Variants in ABCB4 observed in about 807,000 individuals in gnomAD.
ABCB4 encodes the protein ATP binding cassette subfamily B member 4.
ABCB4 carries 76 observed loss-of-function variants against 145.7 expected under a neutral mutation model. The observed-to-expected ratio is 0.52, with a 90% CI of 0.43 to 0.63. ABCB4 has a LOEUF of 0.63. Ranked by LOEUF, ABCB4 falls within the 30% of genes least tolerant of loss-of-function variation. ABCB4 has a pLI of 0.00. For synonymous variants in ABCB4, 517 were observed against 566.8 expected, an observed-to-expected ratio of 0.91 and a Z score of 1.25; for missense variants, 1,234 against 1,553.1, an observed-to-expected ratio of 0.79 and a Z score of 3.45.
chr7:87,407,375 G>A (rs1013163850), intron 25 of ABCB4, among the ~76,000 whole-genome samples: 8 of 152,160 alleles, frequency 5.3e-5, no homozygotes, highest in Non-Finnish European at 7.3e-5. Context: ...GGCTTAACAA[G>A]GCTGATTTAG....
chr7:87,420,220 G>A lies in ABCB4; in HGVS notation c.2317-145C>T. 1.4e-5 allele frequency: 10 copies of A among 737,082 alleles called. No homozygotes were observed. The South Asian group carries it at 1.5e-4, about 11-fold the overall frequency. 45.7% of individuals were successfully genotyped at this position (737,082 alleles called of 1,614,324 possible). On this transcript the variant is annotated intron_variant, in intron 18 of 27. Coordinates refer to ENST00000649586, the MANE Select transcript of ABCB4 (RefSeq NM_000443.4). ...TCAAGTCATGTTAATAACCTGAGCAGCCCCAGATGAATCAAGCATGCAACC... is the reference window on the plus strand; with the variant it reads ...TCAAGTCATGTTAATAACCTGAGCAACCCCAGATGAATCAAGCATGCAACC...
chr7:87,423,717 T>C (rs1011470971), intron 17 of ABCB4, 189 bp downstream of exon 17: 1 of 643,224 alleles, frequency 1.6e-6, no homozygotes, highest in Non-Finnish European at 2.7e-6. Context: ...ATTAATATCA[T>C]AACTTAGAGT....
downstream of ABCB4, among the ~76,000 whole-genome samples, chr7:87,397,244 G>A (rs904347158): frequency 3.1e-4 from 47 of 150,782 alleles, no homozygotes; most frequent in African/African-American, 1.1e-3. Flanking sequence ...TGAGTTACTT[G>A]GGAACCTGAG....
chr7:87,475,104 A>G (rs1813706163), intron 2 of ABCB4, among the ~76,000 whole-genome samples: 1 of 152,234 alleles, frequency 6.6e-6, no homozygotes, highest in South Asian at 2.1e-4. Flanking sequence ...ATGTTATACA[A>G]TGCAGATATT....
chr7:87,416,955 C>T (rs1015588014), intron 21 of ABCB4, among the ~76,000 whole-genome samples: 2 of 152,162 alleles, frequency 1.3e-5, no homozygotes, highest in African/African-American at 2.4e-5. Context: ...AGCACATGTC[C>T]GACCCTGAAC....
chr7:87,411,770 G>T, intron 23 of ABCB4, 123 bp downstream of exon 23: 1 of 870,740 alleles, frequency 1.1e-6, no homozygotes, highest in Non-Finnish European at 1.8e-6. Context: ...GGAAACTGTG[G>T]TAAATTTAAA....
At chr7:87,392,161 C>T in the ABCB4 span, among the ~76,000 whole-genome samples, 1 of 152,110 alleles carries the variant, frequency 6.6e-6, no homozygotes, top group East Asian at 1.9e-4. Flanking sequence ...AAATTTCCTT[C>T]TCACTGTTAT....
At chr7:87,450,933 T>G (rs1291621957) in intron 7 of ABCB4, among the ~76,000 whole-genome samples, 2 of 152,170 alleles carry the variant, frequency 1.3e-5, no homozygotes, top group African/African-American at 2.4e-5. Flanking sequence ...CTCTGAAGTG[T>G]TGGCTAAAGT....
At chr7:87,382,725 T>C in the ABCB4 span, among the ~76,000 whole-genome samples, 1 of 152,216 alleles carries the variant, frequency 6.6e-6, no homozygotes, top group Non-Finnish European at 1.5e-5. Flanking sequence ...TTCACAGTTT[T>C]TCCTTGTTAC....
Position 87,451,789 on chromosome 7 carries a change from A to T in ABCB4, c.542T>A (p.Ile181Asn). The T allele has an allele frequency of 6.2e-7, 1 of 1,614,150 alleles. No homozygotes were observed. Among genetic ancestry groups the T allele is most frequent in the Non-Finnish European group, 8.5e-7 (1 of 1,180,000 alleles). ...ACCAATTCCTTCACTGATTTTGGAG[A>T]TGTCACTAAAAAAGATCACACCTAA... is the stretch of plus-strand genomic sequence containing the variant. ...TELNTRLTDD[I>N]SKISEGIGDK... Residue 181 changes from isoleucine to asparagine, a missense_variant, in exon 7 of 28, where the codon ATC (isoleucine) becomes AAC (asparagine). Coordinates refer to ENST00000649586, the MANE Select transcript of ABCB4 (RefSeq NM_000443.4).
downstream of ABCB4, among the ~76,000 whole-genome samples, chr7:87,397,625 G>A (rs576836782): frequency 3.3e-5 from 5 of 152,216 alleles, no homozygotes; most frequent in South Asian, 2.1e-4. Context: ...AGAATGATTC[G>A]TGATCATGAA....
At chr7:87,369,369 T>C in the ABCB4 span, 1 of 1,590,102 alleles carries the variant, frequency 6.3e-7, no homozygotes. Context: ...TCTGTTTCTG[T>C]TTCCAGAGAG....
At chr7:87,393,023 G>A in the ABCB4 span, 1 of 1,613,308 alleles carries the variant, frequency 6.2e-7, no homozygotes, top group African/African-American at 1.3e-5. Flanking sequence ...TAGTTCCCAT[G>A]GTACACAATG....
At chr7:87,403,375 G>A in intron 26 of ABCB4, 94 bp from the exon 27 acceptor site, 1 of 1,217,136 alleles carries the variant, frequency 8.2e-7, no homozygotes. Flanking sequence ...GTCAATAACA[G>A]TTTCTATAAC....
At chr7:87,408,839 G>T (rs187522849) in intron 24 of ABCB4, among the ~76,000 whole-genome samples, 30 of 152,242 alleles carry the variant, frequency 2.0e-4, no homozygotes, top group African/African-American at 6.3e-4. Flanking sequence ...TAAAGCACAG[G>T]ATTATTACTC....
chr7:87,399,394 T>A (rs944656445), downstream of ABCB4: 2 of 152,314 alleles, frequency 1.3e-5, no homozygotes, highest in African/African-American at 4.8e-5. Flanking sequence ...GAGGATCGGT[T>A]GAGCCCAGGA....
intron 15 of ABCB4, among the ~76,000 whole-genome samples, chr7:87,429,550 G>C (rs1810059734): frequency 6.6e-6 from 1 of 152,192 alleles, no homozygotes. Flanking sequence ...ATTCTTACAA[G>C]AGCTTATGGC....
At chr7:87,458,772 G>A (rs1035425091) in intron 4 of ABCB4, among the ~76,000 whole-genome samples, 4 of 152,128 alleles carry the variant, frequency 2.6e-5, no homozygotes, top group Admixed American at 2.6e-4. Flanking sequence ...TAAGCCTAAT[G>A]AGAAACATGG....
the ABCB4 span, among the ~76,000 whole-genome samples, chr7:87,393,561 C>A: frequency 6.6e-6 from 1 of 151,974 alleles, no homozygotes; most frequent in Non-Finnish European, 1.5e-5. Flanking sequence ...AAGAAAAGAT[C>A]AAAACCTGGT....
Sources: allele counts gnomAD v4.1 joint callset (sites outside exome capture counted in the v4.1 genomes callset), GRCh38; gene constraint gnomAD v4.1.1; transcripts MANE v1.5; gene names NCBI Gene and HGNC (gene_info 2026-07-23, HGNC 2026-07-21).